The following INTS15 variants were observed in gnomAD, a reference collection of about 807,000 sequenced individuals.
INTS15 encodes uncharacterized protein C7orf26.
chr7:6,607,651 G>A, the INTS15 span: 1 of 1,490,634 alleles, frequency 6.7e-7, no homozygotes, highest in African/African-American at 1.4e-5. The surrounding 1 kb of genome is among the most constrained non-coding windows in gnomAD (Gnocchi z 6.0). Context: ...TGTTCTGTGT[G>A]TCCCAGCGCA....
the INTS15 span, chr7:6,602,556 C>T: frequency 3.9e-5 from 16 of 411,578 alleles, no homozygotes; most frequent in African/African-American, 2.0e-4. Flanking sequence ...GTTCTGGGCG[C>T]GGCCCTGTCT....
chr7:6,603,007 T>A, the INTS15 span, among the ~76,000 whole-genome samples: 2 of 152,286 alleles, frequency 1.3e-5, no homozygotes, highest in South Asian at 4.1e-4. Flanking sequence ...CCCAGCACTT[T>A]GGGAAGCTGA....
chr7:6,592,801 G>A, the INTS15 span, among the ~76,000 whole-genome samples: 2 of 151,832 alleles, frequency 1.3e-5, no homozygotes, highest in African/African-American at 2.4e-5. Flanking sequence ...GTAGAGACAG[G>A]GTTTCACCAT....
chr7:6,607,656 AGC>A, the INTS15 span: 1 of 1,495,698 alleles, frequency 6.7e-7, no homozygotes, highest in Non-Finnish European at 9.0e-7. The surrounding 1 kb of genome is among the most constrained non-coding windows in gnomAD (Gnocchi z 6.0). Flanking sequence ...TGTGTGTCCC[AGC>A]GCAGCAGAGA....
chr7:6,602,219 G>T, the INTS15 span: 1 of 1,263,688 alleles, frequency 7.9e-7, no homozygotes, highest in South Asian at 1.3e-5. Context: ...GAGCCCCTTT[G>T]TCCTGGGTTC....
chr7:6,592,755 C>A, the INTS15 span, among the ~76,000 whole-genome samples: 7 of 151,796 alleles, frequency 4.6e-5, no homozygotes, highest in African/African-American at 1.4e-4. Context: ...ACCACAGGCG[C>A]ACACCACCAT....
the INTS15 span, among the ~76,000 whole-genome samples, chr7:6,598,744 T>TGTGC: frequency 1.2e-4 from 11 of 94,878 alleles, no homozygotes; most frequent in African/African-American, 6.5e-4. Context: ...TTTGTGTGTG[T>TGTGC]GTGTGTGTGT....
At chr7:6,605,151 C>T in the INTS15 span, among the ~76,000 whole-genome samples, 1 of 151,958 alleles carries the variant, frequency 6.6e-6, no homozygotes, top group African/African-American at 2.4e-5. Context: ...TGCCACCACG[C>T]CTAATTTTTG....
At chr7:6,594,765 G>A in the INTS15 span, among the ~76,000 whole-genome samples, 1 of 152,084 alleles carries the variant, frequency 6.6e-6, no homozygotes, top group African/African-American at 2.4e-5. Flanking sequence ...CTGTTGCCCA[G>A]GCTGGAGTGC....
chr7:6,607,643 T>G, the INTS15 span: 1 of 1,478,432 alleles, frequency 6.8e-7, no homozygotes, highest in African/African-American at 1.4e-5. This position sits in a 1 kb window ranked among gnomAD's most constrained non-coding sequence, Gnocchi z 6.0. Flanking sequence ...TGGCCAGCTG[T>G]TCTGTGTGTC....
chr7:6,595,673 T>A, the INTS15 span, among the ~76,000 whole-genome samples: 1 of 152,110 alleles, frequency 6.6e-6, no homozygotes, highest in African/African-American at 2.4e-5. Context: ...CCCCATACTT[T>A]CTTTAATTTT....
chr7:6,602,175 TGCTGGA>T, the INTS15 span: 1 of 1,598,508 alleles, frequency 6.3e-7, no homozygotes, highest in Non-Finnish European at 8.5e-7. Flanking sequence ...TGGGCCAGCT[TGCTGGA>T]GCAGGGTGGA....
the INTS15 span, chr7:6,608,280 A>G: frequency 2.0e-6 from 3 of 1,469,274 alleles, no homozygotes; most frequent in Admixed American, 2.4e-5. Flanking sequence ...CCCCGCCGGC[A>G]GAACCGTCTT....
the INTS15 span, chr7:6,590,283 C>T: frequency 5.1e-6 from 8 of 1,554,946 alleles, no homozygotes; most frequent in Admixed American, 1.3e-4. Context: ...GCGGCCGCAC[C>T]ATGAGCGACA....
the INTS15 span, among the ~76,000 whole-genome samples, chr7:6,595,077 G>C: frequency 6.6e-6 from 1 of 152,018 alleles, no homozygotes; most frequent in African/African-American, 2.4e-5. Context: ...TGTCACCCTG[G>C]CTGGAGTGCA....
chr7:6,606,143 G>A, the INTS15 span, among the ~76,000 whole-genome samples: 1 of 152,238 alleles, frequency 6.6e-6, no homozygotes, highest in East Asian at 1.9e-4. Flanking sequence ...GTACTCTGCA[G>A]TACCTCCTCC....
the INTS15 span, among the ~76,000 whole-genome samples, chr7:6,607,178 T>A: frequency 2.6e-5 from 4 of 152,128 alleles, no homozygotes; most frequent in Admixed American, 2.0e-4. This position sits in a 1 kb window ranked among gnomAD's most constrained non-coding sequence, Gnocchi z 6.0. Flanking sequence ...CGTGAGAAAC[T>A]CTTTCAGGAG....
the INTS15 span, among the ~76,000 whole-genome samples, chr7:6,604,468 C>A: frequency 2.6e-5 from 4 of 152,108 alleles, no homozygotes; most frequent in Admixed American, 2.6e-4. Context: ...ATAGAAATGA[C>A]AAAGTGAGCT....
At chr7:6,598,751 G>A in the INTS15 span, among the ~76,000 whole-genome samples, 3 of 100,100 alleles carry the variant, frequency 3.0e-5, no homozygotes, top group South Asian at 3.0e-4. Context: ...GTGTGTGTGT[G>A]TGTGTGTGTG....
Sources: allele counts gnomAD v4.1 joint callset (sites outside exome capture counted in the v4.1 genomes callset), GRCh38; gene constraint gnomAD v4.1.1; non-coding constraint Gnocchi (gnomAD v3.1); transcripts MANE v1.5; gene names NCBI Gene and HGNC (gene_info 2026-07-23, HGNC 2026-07-21).